The following PTPRD variants were observed in gnomAD, a reference collection of about 807,000 sequenced individuals.
PTPRD encodes the protein protein tyrosine phosphatase receptor type D.
A neutral mutation model predicts 214.5 loss-of-function variants in PTPRD; 34 were observed. That is an observed-to-expected ratio of 0.16 (90% CI 0.12 to 0.21). The LOEUF (loss-of-function observed/expected upper bound fraction) is 0.21. PTPRD is among the 10% of genes least tolerant of loss of function. The pLI, the probability that PTPRD is intolerant of heterozygous loss-of-function variation, is 1.00. For synonymous variants in PTPRD, 1,128 were observed against 845.7 expected (o/e 1.33, Z -5.79); for missense variants, 2,545 against 2,398.7 (o/e 1.06, Z -1.27).
intron 2 of PTPRD, among the ~76,000 whole-genome samples, chr9:10,539,993 AAATC>A (rs574112610): frequency 6.6e-6 from 1 of 152,194 alleles, no homozygotes; most frequent in Non-Finnish European, 1.5e-5. Flanking sequence ...CAGATAAACT[AAATC>A]AACATAGTGG....
chr9:9,280,902 G>C (rs1230327896), intron 9 of PTPRD, among the ~76,000 whole-genome samples: 2 of 151,166 alleles, frequency 1.3e-5, no homozygotes, highest in African/African-American at 2.4e-5. Context: ...AGACAGTGTA[G>C]CTATTGGCAA....
At chr9:8,384,291 G>A (rs1053245918) in intron 37 of PTPRD, among the ~76,000 whole-genome samples, 2 of 152,046 alleles carry the variant, frequency 1.3e-5, no homozygotes, top group African/African-American at 4.8e-5. Flanking sequence ...TTATTGGCAT[G>A]TTATGAAACA....
chr9:9,730,288 C>T (rs185808036), intron 7 of PTPRD, among the ~76,000 whole-genome samples: 9 of 152,022 alleles, frequency 5.9e-5, no homozygotes, highest in South Asian at 2.1e-4. Flanking sequence ...AAATTCAGGA[C>T]GGCCAAACTT....
intron 10 of PTPRD, among the ~76,000 whole-genome samples, chr9:9,164,740 C>T (rs988701030): frequency 1.4e-4 from 22 of 151,972 alleles, no homozygotes; most frequent in Admixed American, 9.8e-4. Flanking sequence ...AGGCTAGACA[C>T]GGTACCTCAT....
intron 2 of PTPRD, among the ~76,000 whole-genome samples, chr9:10,507,648 A>C (rs1438629654): frequency 6.6e-6 from 1 of 152,130 alleles, no homozygotes; most frequent in Non-Finnish European, 1.5e-5. Flanking sequence ...AATATCACAC[A>C]TCTACAACCA....
At chr9:8,514,032 T>TTTC (rs1487001742) in intron 21 of PTPRD, among the ~76,000 whole-genome samples, 1 of 152,106 alleles carries the variant, frequency 6.6e-6, no homozygotes, top group Non-Finnish European at 1.5e-5. Flanking sequence ...TCATCTAGAT[T>TTTC]TTCTGAGTTC....
At chr9:8,966,555 A>C (rs1249259070) in intron 11 of PTPRD, among the ~76,000 whole-genome samples, 1 of 152,136 alleles carries the variant, frequency 6.6e-6, no homozygotes, top group Non-Finnish European at 1.5e-5. Context: ...CTGGCCAGCC[A>C]TATCCAGAAG....
At chr9:9,881,205 G>C (rs936947113) in intron 5 of PTPRD, among the ~76,000 whole-genome samples, 1 of 151,946 alleles carries the variant, frequency 6.6e-6, no homozygotes, top group African/African-American at 2.4e-5. Context: ...GCAGAATTTG[G>C]ACATTCAAAG....
intron 3 of PTPRD, among the ~76,000 whole-genome samples, chr9:10,288,961 G>A (rs571238628): frequency 1.9e-3 from 294 of 151,650 alleles, no homozygotes; most frequent in Non-Finnish European, 1.9e-3. Context: ...ACTCAGTTGG[G>A]AGTATAAGAT....
At chr9:10,429,210 G>T (rs957630626) in intron 2 of PTPRD, among the ~76,000 whole-genome samples, 2 of 151,770 alleles carry the variant, frequency 1.3e-5, no homozygotes, top group Non-Finnish European at 2.9e-5. Flanking sequence ...ACAGAGAAAA[G>T]AAAACTTTTC....
chr9:9,368,769 T>C (rs1190409621), intron 9 of PTPRD, among the ~76,000 whole-genome samples: 1 of 151,910 alleles, frequency 6.6e-6, no homozygotes, highest in African/African-American at 2.4e-5. Flanking sequence ...TAAATTTTAT[T>C]ATTATTATAC....
intron 3 of PTPRD, among the ~76,000 whole-genome samples, chr9:10,147,911 T>C (rs2099034802): frequency 6.6e-6 from 1 of 152,024 alleles, no homozygotes; most frequent in African/African-American, 2.4e-5. Flanking sequence ...ACATAAAAGC[T>C]ATATTTGTTT....
At chr9:9,257,957 C>A (rs1399362829) in intron 9 of PTPRD, among the ~76,000 whole-genome samples, 1 of 151,910 alleles carries the variant, frequency 6.6e-6, no homozygotes, top group Non-Finnish European at 1.5e-5. Context: ...ATTTACTCTT[C>A]CTCTTAAAAT....
chr9:10,588,857 A>C (rs897655701), intron 2 of PTPRD, among the ~76,000 whole-genome samples: 108 of 152,032 alleles, frequency 7.1e-4, no homozygotes, highest in Non-Finnish European at 1.2e-3. Flanking sequence ...TTACTGCTTT[A>C]TTTTATTTTC....
chr9:8,405,654 G>A (rs576244903), intron 35 of PTPRD, among the ~76,000 whole-genome samples: 94 of 152,040 alleles, frequency 6.2e-4, no homozygotes, highest in African/African-American at 2.1e-3. Context: ...ATTGTTATAT[G>A]GAAACACAAG....
chr9:8,341,480 T>C (rs1564097995), intron 40 of PTPRD, among the ~76,000 whole-genome samples: 1 of 152,200 alleles, frequency 6.6e-6, no homozygotes, highest in East Asian at 1.9e-4. Flanking sequence ...GTATAGTCTC[T>C]CAAGTTAGGA....
intron 6 of PTPRD, among the ~76,000 whole-genome samples, chr9:9,735,895 T>C (rs934837490): frequency 6.6e-6 from 1 of 152,092 alleles, no homozygotes; most frequent in South Asian, 2.1e-4. Flanking sequence ...TTTGCAAAAA[T>C]AGAAATGTAT....
chr9:9,188,808 TTGTGTGTGTGTGTGTGTGTG>T (rs5896310), intron 9 of PTPRD, among the ~76,000 whole-genome samples: 3 of 148,400 alleles, frequency 2.0e-5, no homozygotes, highest in African/African-American at 7.4e-5. Flanking sequence ...GCAAAATAAA[TTGTGTGTGTGTGTGTGTGTG>T]TGTGTGTGTG....
chr9:9,477,177 C>G (rs12340870), intron 8 of PTPRD, among the ~76,000 whole-genome samples: 27,119 of 152,208 alleles, frequency 0.18, 2,541 homozygotes, highest in Non-Finnish European at 0.21. Context: ...GACTGTCTGA[C>G]TCCACAATAT....
Sources: allele counts gnomAD v4.1 joint callset (sites outside exome capture counted in the v4.1 genomes callset), GRCh38; gene constraint gnomAD v4.1.1; transcripts MANE v1.5; gene names NCBI Gene and HGNC (gene_info 2026-07-23, HGNC 2026-07-21).